RBFOX1: variants seen among roughly 807,000 people sequenced by gnomAD.
RBFOX1 encodes the protein RNA binding fox-1 homolog 1, also known as RNA binding protein fox-1 homolog 1.
Under a neutral mutation model 57.7 loss-of-function variants are expected in RBFOX1, and 8 were observed. That is an observed-to-expected ratio of 0.14 (90% CI 0.08 to 0.25). The LOEUF (loss-of-function observed/expected upper bound fraction) is 0.25. Among genes scored for constraint, RBFOX1 ranks in the 10% least tolerant of loss-of-function variants. The pLI, the probability that RBFOX1 is intolerant of heterozygous loss-of-function variation, is 1.00. For synonymous variants in RBFOX1, 326 were observed against 222.4 expected, an observed-to-expected ratio of 1.47 and a Z score of -4.15; for missense variants, 611 against 548.5, an observed-to-expected ratio of 1.11 and a Z score of -1.14.
At chr16:5,346,717 C>T (rs1268621033) in intron 1 of RBFOX1, among the ~76,000 whole-genome samples, 2 of 152,162 alleles carry the variant, frequency 1.3e-5, no homozygotes, top group African/African-American at 2.4e-5. Context: ...AGGCATGACC[C>T]TCGCTTGTGG....
intron 4 of RBFOX1, among the ~76,000 whole-genome samples, chr16:7,114,539 C>T (rs2065467661): frequency 6.6e-6 from 1 of 152,214 alleles, no homozygotes; most frequent in Non-Finnish European, 1.5e-5. Context: ...ATGAAAGTGA[C>T]ACCATGAGCC....
chr16:5,287,585 T>A (rs1372053626), intron 1 of RBFOX1, among the ~76,000 whole-genome samples: 2 of 152,212 alleles, frequency 1.3e-5, no homozygotes, highest in Non-Finnish European at 2.9e-5. Context: ...CATGGATCTA[T>A]GGATCAGCTG....
At chr16:5,633,439 C>T (rs1365219209) in intron 3 of RBFOX1, among the ~76,000 whole-genome samples, 1 of 152,150 alleles carries the variant, frequency 6.6e-6, no homozygotes, top group East Asian at 1.9e-4. Context: ...TTTTGTTGCA[C>T]TCATCACTGG....
At chr16:5,637,242 C>G (rs1014658744) in intron 3 of RBFOX1, among the ~76,000 whole-genome samples, 1 of 152,194 alleles carries the variant, frequency 6.6e-6, no homozygotes, top group Non-Finnish European at 1.5e-5. Context: ...CAGCCTCCAA[C>G]AATTAGGCTT....
chr16:6,975,900 GT>G (rs2086722245), intron 3 of RBFOX1, among the ~76,000 whole-genome samples: 1 of 152,100 alleles, frequency 6.6e-6, no homozygotes, highest in African/African-American at 2.4e-5. Flanking sequence ...GCTGAGGTAG[GT>G]GGTCACTTGA....
At chr16:5,982,085 C>A (rs1037089368) in intron 4 of RBFOX1, among the ~76,000 whole-genome samples, 1 of 152,180 alleles carries the variant, frequency 6.6e-6, no homozygotes, top group African/African-American at 2.4e-5. Context: ...GTTGCCATCT[C>A]ATGGGGCACA....
chr16:6,757,816 A>T (rs940755897), intron 3 of RBFOX1, among the ~76,000 whole-genome samples: 1 of 152,214 alleles, frequency 6.6e-6, no homozygotes, highest in Non-Finnish European at 1.5e-5. Context: ...CCAACCATAG[A>T]AATGACAAAT....
intron 14 of RBFOX1, among the ~76,000 whole-genome samples, 187 bp downstream of exon 14, chr16:7,677,025 C>G (rs1012556061): frequency 2.6e-5 from 4 of 151,962 alleles, no homozygotes; most frequent in Admixed American, 2.0e-4. Context: ...TCAGCCAATT[C>G]TAAACTACTC....
intron 4 of RBFOX1, among the ~76,000 whole-genome samples, chr16:7,165,933 T>TACACAC (rs889669390): frequency 0.21 from 29,752 of 142,836 alleles, 3,208 homozygotes; most frequent in Non-Finnish European, 0.26. Context: ...CGCATGCACA[T>TACACAC]ACACACACAC....
intron 4 of RBFOX1, among the ~76,000 whole-genome samples, chr16:7,226,613 G>C (rs1048835835): frequency 1.3e-5 from 2 of 152,190 alleles, no homozygotes; most frequent in African/African-American, 2.4e-5. Context: ...AGTGTTAAGT[G>C]CTTTCAGAGT....
At chr16:7,664,696 G>A in intron 12 of RBFOX1, 1 of 636,206 alleles carries the variant, frequency 1.6e-6, no homozygotes, top group Non-Finnish European at 2.6e-6. Flanking sequence ...TTGGGACCTA[G>A]CACACCGCCA....
intron 3 of RBFOX1, among the ~76,000 whole-genome samples, chr16:5,729,353 C>A (rs2052272504): frequency 6.6e-6 from 1 of 151,014 alleles, no homozygotes; most frequent in African/African-American, 2.4e-5. Context: ...TTTTGCAATT[C>A]CTCAATAAGC....
At chr16:6,974,893 G>C (rs756509336) in intron 3 of RBFOX1, among the ~76,000 whole-genome samples, 5 of 152,076 alleles carry the variant, frequency 3.3e-5, no homozygotes, top group African/African-American at 1.2e-4. Flanking sequence ...AAATAGCTGC[G>C]TGAGAAATCC....
intron 4 of RBFOX1, among the ~76,000 whole-genome samples, chr16:7,419,494 C>T (rs2098518305): frequency 6.6e-6 from 1 of 152,220 alleles, no homozygotes; most frequent in South Asian, 2.1e-4. Context: ...CCTTGTCAGG[C>T]CCACCACGGC....
chr16:6,813,419 G>A (rs927583788), intron 3 of RBFOX1, among the ~76,000 whole-genome samples: 1 of 152,082 alleles, frequency 6.6e-6, no homozygotes, highest in Non-Finnish European at 1.5e-5. Context: ...TGTCACCTCT[G>A]AATGTTCTCA....
chr16:7,027,395 A>T (rs1359481358), intron 3 of RBFOX1, among the ~76,000 whole-genome samples: 1 of 152,202 alleles, frequency 6.6e-6, no homozygotes, highest in Non-Finnish European at 1.5e-5. Context: ...TGCCTAACAA[A>T]AACCCTGTAA....
chr16:7,394,762 G>C (rs527634959), intron 4 of RBFOX1, among the ~76,000 whole-genome samples: 1 of 152,216 alleles, frequency 6.6e-6, no homozygotes, highest in East Asian at 1.9e-4. Context: ...TTCTCATCCA[G>C]GCAAGTCACT....
chr16:5,279,542 C>T (rs1343651841), intron 1 of RBFOX1, among the ~76,000 whole-genome samples: 1 of 152,116 alleles, frequency 6.6e-6, no homozygotes, highest in Non-Finnish European at 1.5e-5. Flanking sequence ...CACTCTGTTG[C>T]CCAGGCTGGA....
chr16:6,222,699 A>ATTATTG (rs1264108193), intron 1 of RBFOX1, among the ~76,000 whole-genome samples: 1 of 148,288 alleles, frequency 6.7e-6, no homozygotes, highest in Non-Finnish European at 1.5e-5. Flanking sequence ...TATTATTATT[A>ATTATTG]TTATTATTAT....
Sources: gnomAD v4.1 joint callset for allele counts (sites outside exome capture counted in the v4.1 genomes callset) on GRCh38, gnomAD v4.1.1 for gene constraint, MANE v1.5 for transcripts, NCBI Gene and HGNC (gene_info 2026-07-23, HGNC 2026-07-21) for gene names.